SVIL: variants seen among roughly 807,000 people sequenced by gnomAD.
The protein encoded by SVIL is supervillin.
In SVIL, 101 loss-of-function variants were observed where a neutral mutation model predicts 240.4. The ratio of observed to expected loss-of-function variants is 0.42; its 90% CI spans 0.36 to 0.50. The LOEUF is 0.50. Among genes scored for constraint, SVIL ranks in the 20% least tolerant of loss-of-function variants. The probability of loss-of-function intolerance (pLI) is 0.01; values close to 1 mark genes in which losing one functional copy is unlikely to be tolerated. For synonymous variants in SVIL, 999 were observed against 1,100.0 expected, an observed-to-expected ratio of 0.91 and a Z score of 1.82; for missense variants, 2,512 against 2,818.7, an observed-to-expected ratio of 0.89 and a Z score of 2.46.
intron 13 of SVIL, among the ~76,000 whole-genome samples, chr10:29,526,108 A>G (rs1481341915): frequency 6.6e-6 from 1 of 152,182 alleles, no homozygotes; most frequent in African/African-American, 2.4e-5. Flanking sequence ...TAAAACATCT[A>G]CGTTTAGACA....
At chr10:29,610,952 C>T (rs1258357669) in intron 1 of SVIL, among the ~76,000 whole-genome samples, 1 of 152,212 alleles carries the variant, frequency 6.6e-6, no homozygotes. Flanking sequence ...AGCACACTGG[C>T]CCCGTAACTG....
rs17695155 is a variant in SVIL, at chr10:29,531,829, T to C, written c.2009+173A>G. On this transcript the variant is annotated intron_variant, in intron 9 of 37. Coordinates refer to ENST00000355867, the MANE Select transcript of SVIL (RefSeq NM_021738.3). ...ATCATAATACCGCTGTAAAGGCTAA[T>C]ATTCTTTAAAAAGACTTTTAAATAA... Among the ~76,000 whole-genome samples the C allele has an allele frequency of 0.37, 56,104 of 152,148 alleles. 10,668 individuals carry two copies. Among genetic ancestry groups the C allele is most frequent in the Non-Finnish European group, 0.41 (27,598 of 67,988 alleles).
rs894853547 is a variant in SVIL at position 29,687,395 on chromosome 10, A to G, written c.-399-744T>C. Among the ~76,000 whole-genome samples, 4 of 152,340 alleles carry G rather than the reference A, an allele frequency of 2.6e-5. No individual in the cohort carries two copies. The East Asian group carries it at 7.7e-4, about 29-fold the overall frequency. ...TACTGGGCACTAAATAAAATCTCCC[A>G]AAAATGTCAAGTTTGGCCAGGTGAG... On this transcript the variant is annotated intron_variant, in intron 1 of 35. Coordinates refer to the SVIL transcript ENST00000375400.
chr10:29,476,603 C>T (rs1156617441), intron 29 of SVIL, among the ~76,000 whole-genome samples: 2 of 152,092 alleles, frequency 1.3e-5, no homozygotes, highest in Admixed American at 6.5e-5. Context: ...AGGTCTCTCA[C>T]TATGTTGCCC....
At chr10:29,570,098 A>G (rs1955316093) in intron 1 of SVIL, among the ~76,000 whole-genome samples, 1 of 152,258 alleles carries the variant, frequency 6.6e-6, no homozygotes, top group African/African-American at 2.4e-5. Flanking sequence ...CAGAAGCCCA[A>G]GGAAAAATAA....
At chr10:29,574,738 T>C (rs1368282279) in intron 1 of SVIL, among the ~76,000 whole-genome samples, 1 of 152,198 alleles carries the variant, frequency 6.6e-6, no homozygotes, top group Non-Finnish European at 1.5e-5. Flanking sequence ...AAACTTGTCC[T>C]GGATTGAGGT....
At chr10:29,716,820 T>A (rs1963638728) in intron 1 of SVIL, among the ~76,000 whole-genome samples, 1 of 152,246 alleles carries the variant, frequency 6.6e-6, no homozygotes, top group Admixed American at 6.5e-5. Flanking sequence ...TCTTTGCCAA[T>A]GATCTCTGGT....
At chr10:29,501,336 A>T (rs1271131806) in intron 17 of SVIL, among the ~76,000 whole-genome samples, 1 of 151,412 alleles carries the variant, frequency 6.6e-6, no homozygotes, top group Non-Finnish European at 1.5e-5. Flanking sequence ...AATATCTTTG[A>T]CTTTAGGAAA....
intron 17 of SVIL, 110 bp from the exon 18 acceptor site, chr10:29,499,373 GTATATTGTC>G (rs1425432516): frequency 1.4e-6 from 2 of 1,394,088 alleles, no homozygotes; most frequent in Non-Finnish European, 2.0e-6. Context: ...AGAGGAGTAA[GTATATTGTC>G]CAAAGATGTT....
At chr10:29,708,407 G>GGT in intron 1 of SVIL, among the ~76,000 whole-genome samples, 1 of 151,952 alleles carries the variant, frequency 6.6e-6, no homozygotes, top group South Asian at 2.1e-4. Flanking sequence ...GATCACCTGA[G>GGT]GTCAGGAGTT....
chr10:29,582,562 C>A (rs548302662), intron 1 of SVIL, among the ~76,000 whole-genome samples: 1 of 151,952 alleles, frequency 6.6e-6, no homozygotes, highest in Non-Finnish European at 1.5e-5. Flanking sequence ...CATAGTGAGA[C>A]CCCCATCTTT....
At chr10:29,713,681 T>A (rs1194800024) in intron 1 of SVIL, among the ~76,000 whole-genome samples, 1 of 152,174 alleles carries the variant, frequency 6.6e-6, no homozygotes, top group East Asian at 1.9e-4. Context: ...AATAAAACTT[T>A]ATTTACACAA....
chr10:29,616,913 G>A (rs535989483), intron 1 of SVIL, among the ~76,000 whole-genome samples: 2 of 152,260 alleles, frequency 1.3e-5, no homozygotes, highest in East Asian at 3.9e-4. Context: ...AGTAGAGACA[G>A]GGTTTCGCCA....
In SVIL at chr10:29,554,893, T is replaced by C; in HGVS notation, c.50A>G (p.Asp17Gly). The C allele has an allele frequency of 6.2e-7, 1 of 1,613,436 alleles. No individual in the cohort carries two copies. The highest frequency in any genetic ancestry group is 8.5e-7 in the Non-Finnish European group (1 of 1,179,716). Residue 17 changes from aspartate (D) to glycine (G), a missense_variant, in exon 5 of 38, where the codon GAC (aspartate) becomes GGC (glycine). By Grantham distance (94) the Asp-to-Gly change is moderately conservative (BLOSUM62 -1). Transcript: ENST00000355867. The stretch of plus-strand genomic sequence containing the variant: ...GCTCTGCAAGAGGATGGGCTGAGTG[T>C]CATTTTCAATCCCTTCCAGGCGCCT... ...IARRLEGIEN[D>G]TQPILLQSCT...
chr10:29,522,362 T>G (rs1311653029), intron 16 of SVIL, 48 bp downstream of exon 16: 1 of 1,594,230 alleles, frequency 6.3e-7, no homozygotes, highest in Non-Finnish European at 8.6e-7. Context: ...AAGCAAGCTG[T>G]AAGCTCCTCC....
chr10:29,536,155 G>T (rs1364440043), intron 6 of SVIL, 86 bp from the exon 7 acceptor site: 4 of 1,282,138 alleles, frequency 3.1e-6, no homozygotes, highest in Non-Finnish European at 4.5e-6. Context: ...AAACCTAAAG[G>T]CTGATTTTTA....
At chr10:29,527,175 G>C (rs548475216) in intron 12 of SVIL, 119 bp from the exon 13 acceptor site, 13 of 961,124 alleles carry the variant, frequency 1.4e-5, no homozygotes, top group Non-Finnish European at 2.0e-5. Flanking sequence ...AGAATATTTT[G>C]CTAATTATTT....
rs1328970261 is a variant in SVIL at position 29,523,519 on chromosome 10, C to T, written c.3095G>A (p.Arg1032Lys). The change falls in exon 15 of 38, where the codon AGG (arginine) becomes AAG (lysine). Residue 1032 changes from arginine to lysine, a missense_variant. Physicochemically the swap from Arg to Lys is conservative, Grantham distance 26. Coordinates refer to ENST00000355867, the MANE Select transcript of SVIL (RefSeq NM_021738.3). The part of the protein sequence containing the change: ...KMNAQGNLDL[R>K]DRLPFEEKVE... ...CTTCTCTTCAAAGGGCAGCCTGTCC[C>T]TCAAGTCCAAGTTTCCTTGTGCATT... is the stretch of plus-strand genomic sequence containing the variant. The T allele has an allele frequency of 5.0e-6, 8 of 1,613,994 alleles. No homozygotes were observed. In the East Asian group the frequency reaches 1.3e-4, roughly 27 times the overall value.
intron 2 of SVIL, among the ~76,000 whole-genome samples, chr10:29,660,928 C>T (rs909737635): frequency 2.0e-5 from 3 of 151,482 alleles, no homozygotes; most frequent in South Asian, 2.1e-4. Context: ...CAGCACTCTG[C>T]GAGGCTGAGA....
Sources: allele counts gnomAD v4.1 joint callset (sites outside exome capture counted in the v4.1 genomes callset), GRCh38; gene constraint gnomAD v4.1.1; transcripts MANE v1.5; gene names NCBI Gene and HGNC (gene_info 2026-07-23, HGNC 2026-07-21).